The following RNF130 variants were observed in gnomAD, a reference collection of about 807,000 sequenced individuals.
The protein encoded by RNF130 is E3 ubiquitin-protein ligase RNF130.
In RNF130, 21 loss-of-function variants were observed where a neutral mutation model predicts 44.6. The observed-to-expected ratio is 0.47, with a 90% CI of 0.33 to 0.68. The LOEUF (loss-of-function observed/expected upper bound fraction) is 0.68. Ranked by LOEUF, RNF130 falls within the 30% of genes least tolerant of loss-of-function variation. The pLI is 0.02. For missense variants in RNF130, 479 were observed against 560.6 expected (o/e 0.85, Z 1.47); for synonymous variants, 214 against 210.4 (o/e 1.02, Z -0.15).
At position 180,055,280 on chromosome 5, in the gene RNF130, AC is replaced by A. The variant is rs1442813155; in HGVS notation, c.248-14634del. Among the ~76,000 whole-genome samples the A allele has an allele frequency of 3.9e-3, 64 of 16,456 alleles. 1 individual carries two copies. The highest frequency in any genetic ancestry group is 8.2e-3 in the African/African-American group (34 of 4,126). 10.8% of individuals were successfully genotyped at this position (16,456 alleles called of 152,430 possible). ...AAAAAAAAAAAAAAAAAAAAAAAAA[AC>A]AAAAAAAAACAGCAAACAAACAAAA... On this transcript the variant is annotated intron_variant, in intron 1 of 8. Transcript: ENST00000521389.
chr5:180,035,047 C>T (rs1269935046), intron 2 of RNF130, among the ~76,000 whole-genome samples: 1 of 152,170 alleles, frequency 6.6e-6, no homozygotes, highest in Admixed American at 6.5e-5. Flanking sequence ...TTCTGTCTCA[C>T]TTATTTCTCC....
At chr5:179,973,970 C>G (rs73344346) in intron 5 of RNF130, among the ~76,000 whole-genome samples, 2 of 152,142 alleles carry the variant, frequency 1.3e-5, no homozygotes, top group Non-Finnish European at 2.9e-5. Flanking sequence ...TGAAATTCAG[C>G]GCCCTCCCCT....
chr5:179,936,772 C>T (rs1342856900), intron 7 of RNF130, among the ~76,000 whole-genome samples: 3 of 152,118 alleles, frequency 2.0e-5, no homozygotes, highest in Admixed American at 6.5e-5. Flanking sequence ...TAAACACAGA[C>T]ATACAGATTA....
intron 1 of RNF130, among the ~76,000 whole-genome samples, chr5:180,044,366 C>A (rs2113146792): frequency 6.6e-6 from 1 of 151,882 alleles, no homozygotes; most frequent in East Asian, 1.9e-4. Context: ...TCCTCTAGGG[C>A]TTTTTCCTGC....
chr5:180,017,512 G>A (rs550554551), intron 2 of RNF130, among the ~76,000 whole-genome samples: 2 of 152,210 alleles, frequency 1.3e-5, no homozygotes, highest in South Asian at 2.1e-4. Context: ...AATCTGTTAC[G>A]ACAATGGTAT....
chr5:180,021,835 C>T (rs1396761945), intron 2 of RNF130, among the ~76,000 whole-genome samples: 1 of 152,150 alleles, frequency 6.6e-6, no homozygotes, highest in Non-Finnish European at 1.5e-5. Flanking sequence ...CCATCCAATC[C>T]CGAAGTCCAT....
chr5:180,056,876 TCTCA>T (rs1764837112), intron 1 of RNF130, among the ~76,000 whole-genome samples: 1 of 152,150 alleles, frequency 6.6e-6, no homozygotes, highest in Non-Finnish European at 1.5e-5. Context: ...CATGAATTCA[TCTCA>T]CTAACATGAT....
intron 1 of RNF130, among the ~76,000 whole-genome samples, chr5:180,069,471 AG>A (rs1394308789): frequency 1.3e-5 from 2 of 152,032 alleles, no homozygotes; most frequent in Non-Finnish European, 2.9e-5. Flanking sequence ...AATGACCCCT[AG>A]GGAATCAAGG....
At chr5:179,997,298 C>T (rs1049677361) in intron 3 of RNF130, among the ~76,000 whole-genome samples, 6 of 151,826 alleles carry the variant, frequency 4.0e-5, no homozygotes, top group South Asian at 4.2e-4. Flanking sequence ...CACACCAACA[C>T]GCCTGGCTTA....
At chr5:179,945,348 C>T (rs1198112138) in intron 7 of RNF130, among the ~76,000 whole-genome samples, 1 of 152,098 alleles carries the variant, frequency 6.6e-6, no homozygotes, top group Non-Finnish European at 1.5e-5. Flanking sequence ...AAAACCTCAG[C>T]GGCGGGGGCT....
At chr5:179,948,565 G>A (rs1170023656) in intron 7 of RNF130, among the ~76,000 whole-genome samples, 2 of 152,146 alleles carry the variant, frequency 1.3e-5, no homozygotes, top group Admixed American at 6.5e-5. Context: ...CAGCTACTCA[G>A]GAGGCTGAGG....
chr5:179,984,878 G>A (rs982727534), intron 3 of RNF130, among the ~76,000 whole-genome samples: 52 of 152,126 alleles, frequency 3.4e-4, no homozygotes, highest in Non-Finnish European at 7.1e-4. Flanking sequence ...GCTCACTAGA[G>A]CATTTTGCAT....
chr5:180,052,752 G>C (rs1185420877), intron 1 of RNF130, among the ~76,000 whole-genome samples: 4 of 152,132 alleles, frequency 2.6e-5, no homozygotes, highest in Non-Finnish European at 4.4e-5. Flanking sequence ...GAGAATACAA[G>C]GGAAATCATA....
intron 7 of RNF130, chr5:179,939,646 T>C (rs1582130330): frequency 2.2e-6 from 1 of 464,582 alleles, no homozygotes; most frequent in Non-Finnish European, 4.3e-6. Flanking sequence ...TGGAAGAGAA[T>C]GAAGTGAGGC....
At position 180,003,048 on chromosome 5, in the gene RNF130, G is replaced by A. The variant is rs1160856332; in HGVS notation, c.693+10013C>T. ...AAGTTCCTGATGCTATTTGAGGCTT[G>A]GAGAATTAAAATCTTGCCTCCACAG... is the stretch of plus-strand genomic sequence containing the variant. On this transcript the variant is annotated intron_variant, in intron 3 of 8. Coordinates refer to ENST00000521389, the MANE Select transcript of RNF130 (RefSeq NM_018434.6). Among the ~76,000 whole-genome samples, 6 of 152,164 alleles carry A rather than the reference G, an allele frequency of 3.9e-5. No individual in the cohort carries two copies. In the South Asian group the frequency reaches 1.0e-3, roughly 26 times the overall value.
intron 1 of RNF130, among the ~76,000 whole-genome samples, chr5:180,042,318 C>T (rs533378407): frequency 6.6e-6 from 1 of 152,198 alleles, no homozygotes; most frequent in Admixed American, 6.5e-5. Flanking sequence ...TCTCCTAATA[C>T]ATGAAATGGA....
chr5:180,024,953 G>C (rs1234058278), intron 2 of RNF130, among the ~76,000 whole-genome samples: 1 of 152,202 alleles, frequency 6.6e-6, no homozygotes, highest in Non-Finnish European at 1.5e-5. Context: ...CAGGCGCAGA[G>C]GTGTGCCACC....
At chr5:179,947,630 A>G (rs190186329) in intron 7 of RNF130, among the ~76,000 whole-genome samples, 1 of 152,240 alleles carries the variant, frequency 6.6e-6, no homozygotes, top group African/African-American at 2.4e-5. Flanking sequence ...AACGGAGTTA[A>G]TAAGAGGGTT....
intron 5 of RNF130, among the ~76,000 whole-genome samples, chr5:179,976,497 G>A (rs1279632067): frequency 6.6e-6 from 1 of 152,200 alleles, no homozygotes; most frequent in African/African-American, 2.4e-5. Context: ...GCACTGGCGT[G>A]TGCATTTCCT....
Sources: gnomAD v4.1 joint callset for allele counts (sites outside exome capture counted in the v4.1 genomes callset) on GRCh38, gnomAD v4.1.1 for gene constraint, MANE v1.5 for transcripts, NCBI Gene and HGNC (gene_info 2026-07-23, HGNC 2026-07-21) for gene names.